The following NYAP2 variants were observed in gnomAD, a reference collection of about 807,000 sequenced individuals.
The protein encoded by NYAP2 is neuronal tyrosine-phosphorylated phosphoinositide-3-kinase adapter 2.
In NYAP2, 23 loss-of-function variants were observed where a neutral mutation model predicts 50.4. That is an observed-to-expected ratio of 0.46 (90% CI 0.33 to 0.65). The LOEUF (loss-of-function observed/expected upper bound fraction) is 0.65, where lower values mean the gene tolerates loss of function less well. Among genes scored for constraint, NYAP2 ranks in the 30% least tolerant of loss-of-function variants. NYAP2 has a pLI of 0.02. For missense variants in NYAP2, 885 were observed against 861.0 expected, an observed-to-expected ratio of 1.03 and a Z score of -0.35; for synonymous variants, 394 against 365.2, an observed-to-expected ratio of 1.08 and a Z score of -0.90.
chr2:225,683,334 G>A, the NYAP2 span, among the ~76,000 whole-genome samples: 1 of 152,124 alleles, frequency 6.6e-6, no homozygotes, highest in Non-Finnish European at 1.5e-5. Flanking sequence ...CATTTTCTGG[G>A]TAATAACTTC....
At chr2:225,400,351 T>G (rs1694839655) in intron 1 of NYAP2, 96 bp downstream of exon 1, 2 of 123,976 alleles carry the variant, frequency 1.6e-5, no homozygotes, top group African/African-American at 3.1e-5. Flanking sequence ...AGGGAGGGAG[T>G]CAGGGGCAGG....
chr2:225,438,724 CACTG>C (rs1689422767), intron 3 of NYAP2, among the ~76,000 whole-genome samples: 1 of 152,160 alleles, frequency 6.6e-6, no homozygotes, highest in Non-Finnish European at 1.5e-5. Context: ...ATTTAGTTAA[CACTG>C]ACCTTTGTTT....
At position 225,522,259 on chromosome 2, in the gene NYAP2, G is replaced by T. The variant is rs113207361; in HGVS notation, c.523+8587G>T. 6.3e-3 allele frequency among the ~76,000 whole-genome samples: 956 copies of T among 151,948 alleles called. 7 individuals are homozygous for T. Among genetic ancestry groups the T allele is most frequent in the African/African-American group, 0.022 (895 of 41,452 alleles). On this transcript the variant is annotated intron_variant, in intron 4 of 6. Transcript: ENST00000636099. ...AGCTAAGTATTCCTACCTTCCATTT[G>T]TTATGAACTCTTCCTCAAGTTATTT...
rs530477863 is a variant in NYAP2 at position 225,498,066 on chromosome 2, T to C, written c.222-15305T>C. On this transcript the variant is annotated intron_variant, in intron 3 of 6. Coordinates refer to ENST00000636099, the Ensembl canonical transcript of NYAP2. ...AATATATGCCTGGAAATAATATAAT[T>C]AACTATGTATTCCTTTTAATGTAGG... Among the ~76,000 whole-genome samples the C allele has an allele frequency of 2.0e-3, 312 of 152,260 alleles. 1 individual carries two copies. The highest frequency in any genetic ancestry group is 7.2e-3 in the African/African-American group (300 of 41,542).
intron 3 of NYAP2, among the ~76,000 whole-genome samples, chr2:225,437,077 CATAT>C (rs368025746): frequency 6.7e-6 from 1 of 149,122 alleles, no homozygotes; most frequent in Non-Finnish European, 1.5e-5. Context: ...TTCATCAAAT[CATAT>C]ATATATATAT....
At chr2:225,676,651 T>C in the NYAP2 span, among the ~76,000 whole-genome samples, 1 of 152,106 alleles carries the variant, frequency 6.6e-6, no homozygotes, top group Admixed American at 6.6e-5. Context: ...ACCCATTCAC[T>C]ATCACGAGAA....
intron 3 of NYAP2, among the ~76,000 whole-genome samples, chr2:225,433,848 T>C (rs1457340155): frequency 1.4e-5 from 2 of 147,858 alleles, no homozygotes; most frequent in African/African-American, 4.9e-5. Context: ...AAAGAATTAT[T>C]AGAGTCAAGC....
chr2:225,664,031 C>T, the NYAP2 span, among the ~76,000 whole-genome samples: 1 of 152,108 alleles, frequency 6.6e-6, no homozygotes, highest in African/African-American at 2.4e-5. Context: ...AGCAGCTCTC[C>T]CTTCTCTGTC....
intron 4 of NYAP2, among the ~76,000 whole-genome samples, chr2:225,576,613 A>C (rs1692174059): frequency 6.6e-6 from 1 of 152,186 alleles, no homozygotes; most frequent in Non-Finnish European, 1.5e-5. Flanking sequence ...CCTTCAATGG[A>C]TTCACATTTT....
At chr2:225,466,819 G>C (rs547714701) in intron 3 of NYAP2, among the ~76,000 whole-genome samples, 1 of 152,116 alleles carries the variant, frequency 6.6e-6, no homozygotes, top group Non-Finnish European at 1.5e-5. Context: ...ACAGGCCTGC[G>C]GCAACCTCAA....
In NYAP2 at chr2:225,582,465, T is replaced by G. The variant is rs1692306602; in HGVS notation, c.1048T>G (p.Ser350Ala). ...CGCCCCCGTGCATTGCTCCCCCAAC[T>G]CCGACGAGTCCCCGCTTACCCCTCT... The change falls in exon 5 of 7, where the codon TCC becomes GCC. Residue 350 changes from serine (S) to alanine (A), a missense_variant. Coordinates refer to ENST00000636099, the Ensembl canonical transcript of NYAP2. The surrounding 1 kb of genome is among the most constrained non-coding windows in gnomAD (Gnocchi z 7.0). 1.4e-6 allele frequency: 1 copy of G among 728,790 alleles called. No individual in the cohort carries two copies. The allele number at this position is 728,790 out of a possible 1,614,324, so 45.1% of individuals were successfully genotyped here. A position where few individuals can be genotyped will look rare whatever the true frequency, so the allele number is the denominator to read the frequency against.
chr2:225,671,414 T>C, the NYAP2 span, among the ~76,000 whole-genome samples: 1 of 152,282 alleles, frequency 6.6e-6, no homozygotes, highest in Admixed American at 6.5e-5. Context: ...ACTCATCATG[T>C]GTTCAAGTTT....
chr2:225,691,510 T>C, the NYAP2 span, among the ~76,000 whole-genome samples: 1 of 152,180 alleles, frequency 6.6e-6, no homozygotes, highest in South Asian at 2.1e-4. Flanking sequence ...CCCTATCCAT[T>C]ATCTTGAAGA....
At chr2:225,658,665 A>G (rs1480426232), downstream of NYAP2, among the ~76,000 whole-genome samples, 1 of 152,224 alleles carries the variant, frequency 6.6e-6, no homozygotes, top group East Asian at 1.9e-4. Context: ...TTGTTTTATA[A>G]AAATGTTAGG....
At chr2:225,605,002 G>T (rs188587290) in intron 5 of NYAP2, among the ~76,000 whole-genome samples, 159 of 152,166 alleles carry the variant, frequency 1.0e-3, no homozygotes, top group Middle Eastern at 3.4e-3. Flanking sequence ...CATTTACTTT[G>T]ATAGAAATTA....
In NYAP2 at chr2:225,437,353, T is replaced by C. The variant is rs1024740375; in HGVS notation, c.221+28252T>C. Among the ~76,000 whole-genome samples, 14 of 152,204 alleles carry C rather than the reference T, an allele frequency of 9.2e-5. No homozygotes were observed. The East Asian group carries it at 2.3e-3, about 25-fold the overall frequency. ...TTAATCATCTAAAGAGAAAAACAGA[T>C]ATGAACTGTTGGTATTACCATATAC... On this transcript the variant is annotated intron_variant, in intron 3 of 6. Transcript: ENST00000636099.
At chr2:225,535,931 T>G (rs1237940643) in intron 4 of NYAP2, among the ~76,000 whole-genome samples, 2 of 152,208 alleles carry the variant, frequency 1.3e-5, no homozygotes, top group Non-Finnish European at 2.9e-5. Flanking sequence ...AATTTTTCTG[T>G]GACATAAAGA....
At chr2:225,692,040 T>A in the NYAP2 span, among the ~76,000 whole-genome samples, 2 of 152,126 alleles carry the variant, frequency 1.3e-5, no homozygotes, top group African/African-American at 4.8e-5. Context: ...AATTAAATTT[T>A]ACTCTCACGA....
rs1376815967 is a variant in NYAP2 at position 225,446,171 on chromosome 2, A to G, written c.221+37070A>G. On this transcript the variant is annotated intron_variant, in intron 3 of 6. Transcript: ENST00000636099. ...ACTCCAGCCTGGGCAACAGACTGAGACTCCATCTCTCTGTCTGTCTGTCTG... is the reference window on the plus strand; with the variant it reads ...ACTCCAGCCTGGGCAACAGACTGAGGCTCCATCTCTCTGTCTGTCTGTCTG... Among the ~76,000 whole-genome samples the G allele has an allele frequency of 2.9e-4, 34 of 116,590 alleles. 1 individual carries two copies. In the Admixed American group the frequency reaches 3.0e-3, roughly 10 times the overall value. 76.5% of individuals were successfully genotyped at this position (116,590 alleles called of 152,430 possible).
Sources: gnomAD v4.1 joint callset for allele counts (sites outside exome capture counted in the v4.1 genomes callset) on GRCh38, gnomAD v4.1.1 for gene constraint, Gnocchi (gnomAD v3.1) non-coding constraint, MANE v1.5 for transcripts, NCBI Gene and HGNC (gene_info 2026-07-23, HGNC 2026-07-21) for gene names.